CWC27: variants seen among roughly 807,000 people sequenced by gnomAD.
CWC27 encodes CWC27 spliceosome associated cyclophilin.
In CWC27, 47 loss-of-function variants were observed where a neutral mutation model predicts 63.6. That is an observed-to-expected ratio of 0.74 (90% confidence interval 0.58 to 0.94). The LOEUF (loss-of-function observed/expected upper bound fraction) is 0.94. Among genes scored for constraint, CWC27 ranks in the 40% least tolerant of loss-of-function variants. CWC27 has a pLI of 0.00. For synonymous variants in CWC27, 175 were observed against 179.8 expected (o/e 0.97, Z 0.22); for missense variants, 495 against 554.3 (o/e 0.89, Z 1.07).
At chr5:64,999,609 T>G (rs1749696244) in intron 13 of CWC27, among the ~76,000 whole-genome samples, 1 of 152,150 alleles carries the variant, frequency 6.6e-6, no homozygotes, top group African/African-American at 2.4e-5. Context: ...TCTGCCTGGC[T>G]TATTTCACTT....
chr5:64,864,772 C>T (rs1746495120), intron 10 of CWC27, among the ~76,000 whole-genome samples: 1 of 151,982 alleles, frequency 6.6e-6, no homozygotes, highest in Admixed American at 6.6e-5. Flanking sequence ...TTTTAAGTGA[C>T]AAATAATAAT....
intron 10 of CWC27, among the ~76,000 whole-genome samples, chr5:64,842,378 A>G (rs959545523): frequency 6.6e-6 from 1 of 152,036 alleles, no homozygotes; most frequent in East Asian, 1.9e-4. Flanking sequence ...GTCTCAGCTC[A>G]CTACAACCTC....
intron 11 of CWC27, among the ~76,000 whole-genome samples, chr5:64,954,484 A>G (rs572015926): frequency 1.3e-5 from 2 of 151,804 alleles, no homozygotes; most frequent in Non-Finnish European, 2.9e-5. Context: ...GGATCTCGCT[A>G]TGTTGCCCAG....
At chr5:64,831,679 A>G (rs751878796) in intron 10 of CWC27, among the ~76,000 whole-genome samples, 20 of 151,948 alleles carry the variant, frequency 1.3e-4, no homozygotes, top group Non-Finnish European at 8.8e-5. Context: ...CAATTGACTC[A>G]TGTAACAAAC....
chr5:65,018,394 C>A lies in CWC27; in HGVS notation c.*73C>A. On this transcript the variant is annotated 3_prime_UTR_variant, in exon 14 of 14. Transcript: ENST00000381070. ...GCCTTGTAACAGCCATTGTTCCCAA[C>A]AGCATCACTTAGGGGTGTGAAAAGA... The A allele has an allele frequency of 7.6e-7, 1 of 1,313,278 alleles. No individual in the cohort carries two copies. Among genetic ancestry groups the A allele is most frequent in the Non-Finnish European group, 1.0e-6 (1 of 953,656 alleles). 81.4% of individuals were successfully genotyped at this position (1,313,278 alleles called of 1,614,324 possible). A position where few individuals can be genotyped will look rare whatever the true frequency, so the allele number is the denominator to read the frequency against.
At chr5:64,950,839 A>C (rs776192241) in intron 11 of CWC27, among the ~76,000 whole-genome samples, 23 of 151,858 alleles carry the variant, frequency 1.5e-4, no homozygotes, top group Admixed American at 2.0e-4. Flanking sequence ...GCTTTCTCAC[A>C]CTATAGTTTT....
chr5:64,806,628 T>G (rs1352564020), intron 10 of CWC27, among the ~76,000 whole-genome samples: 1 of 152,092 alleles, frequency 6.6e-6, no homozygotes, highest in Non-Finnish European at 1.5e-5. Context: ...TTTCCTCTAG[T>G]GTAGAAATTT....
chr5:64,786,233 G>A (rs1044820521), intron 5 of CWC27, among the ~76,000 whole-genome samples: 1 of 150,186 alleles, frequency 6.7e-6, no homozygotes. Context: ...TGGAATCAAA[G>A]CATCTGAGTT....
Position 64,776,953 on chromosome 5 carries a change from A to C in CWC27, c.139+2166A>C, listed in dbSNP as rs1743479437. Among the ~76,000 whole-genome samples the C allele has an allele frequency of 2.6e-5, 4 of 152,116 alleles. No individual in the cohort carries two copies. The South Asian group carries it at 8.3e-4, about 31-fold the overall frequency. ...TTAATCTTAGATTTTTGGTCTTTGC[A>C]GCATAGTTAGGTGGACATTTAAAAT... On this transcript the variant is annotated intron_variant, in intron 2 of 13. Transcript: ENST00000381070.
intron 11 of CWC27, among the ~76,000 whole-genome samples, chr5:64,940,245 A>G (rs563324862): frequency 6.6e-6 from 1 of 152,244 alleles, no homozygotes; most frequent in East Asian, 1.9e-4. Context: ...CTGGTGGTGT[A>G]GGCTCCAGAG....
chr5:64,786,558 G>C lies in CWC27; in HGVS notation c.530G>C (p.Arg177Thr), dbSNP rs1471772868. The change falls in exon 6 of 14, where the codon AGG becomes ACG. Residue 177 changes from arginine to threonine, a missense_variant. Coordinates refer to ENST00000381070, the MANE Select transcript of CWC27 (RefSeq NM_005869.4). ...LFNPFDDIIP[R>T]EIKRLKKEKP... ...AATCCTTTTGATGACATCATTCCAA[G>C]GGAAATTAAAAGGCTGAAAAAAGAG... is the stretch of plus-strand genomic sequence containing the variant. The C allele has an allele frequency of 1.3e-6, 2 of 1,588,252 alleles. No individual in the cohort carries two copies. The highest frequency in any genetic ancestry group is 1.8e-5 in the Admixed American group (1 of 54,854).
At chr5:65,011,162 T>A (rs1749946953) in intron 13 of CWC27, among the ~76,000 whole-genome samples, 1 of 152,116 alleles carries the variant, frequency 6.6e-6, no homozygotes, top group African/African-American at 2.4e-5. Flanking sequence ...AGTTCAGGGC[T>A]ATAGTGTGCT....
At chr5:64,844,833 A>G (rs1745933664) in intron 10 of CWC27, 1 of 451,584 alleles carries the variant, frequency 2.2e-6, no homozygotes, top group African/African-American at 2.0e-5. Context: ...CTCTGCCACA[A>G]AGCAATCCCA....
chr5:64,846,629 A>C (rs1745986714), intron 10 of CWC27, among the ~76,000 whole-genome samples: 1 of 152,220 alleles, frequency 6.6e-6, no homozygotes, highest in Non-Finnish European at 1.5e-5. Context: ...AAAACCATCA[A>C]ATCACAAAGG....
At position 64,804,145 on chromosome 5, in the gene CWC27, A is replaced by C. The variant is rs530001707; in HGVS notation, c.781-84A>C. On this transcript the variant is annotated intron_variant, in intron 9 of 13. Coordinates refer to ENST00000381070, the MANE Select transcript of CWC27 (RefSeq NM_005869.4). ...AAAAAACCTAGTTTAGAATGCAATA[A>C]GGAGATTCAGTGGATGCAATAGATC... The C allele has an allele frequency of 1.6e-4, 194 of 1,234,712 alleles. 1 individual carries two copies. In the East Asian group the frequency reaches 4.4e-3, roughly 28 times the overall value. The allele number at this position is 1,234,712 out of a possible 1,614,324, so 76.5% of individuals were successfully genotyped here. A position where few individuals can be genotyped will look rare whatever the true frequency, so the allele number is the denominator to read the frequency against.
At chr5:64,788,895 T>C in intron 6 of CWC27, 56 bp from the exon 7 acceptor site, 1 of 1,194,120 alleles carries the variant, frequency 8.4e-7, no homozygotes, top group Non-Finnish European at 1.2e-6. Context: ...AAGGTATTTA[T>C]AAGTTTGATT....
chr5:64,846,993 C>CAAAAAAAAAA (rs35090437), intron 10 of CWC27, among the ~76,000 whole-genome samples: 2 of 86,200 alleles, frequency 2.3e-5, no homozygotes, highest in African/African-American at 9.4e-5. Context: ...GACTCCATCT[C>CAAAAAAAAAA]AAAAAAAAAA....
In CWC27 at chr5:65,014,246, TTA is replaced by T. The variant is rs1286704052; in HGVS notation, c.1257-3907_1257-3906del. 2.0e-5 allele frequency among the ~76,000 whole-genome samples: 3 copies of T among 147,946 alleles called. No homozygotes were observed. In the South Asian group the frequency reaches 6.3e-4, roughly 31 times the overall value. On this transcript the variant is annotated intron_variant, in intron 13 of 13. Transcript: ENST00000381070. ...ACTACAATATATAATAGATTACATA[TTA>T]TATATGATATATATAATATATACCA...
Position 64,772,673 on chromosome 5 carries a change from C to T in CWC27, c.43-2018C>T, listed in dbSNP as rs200409042. Among the ~76,000 whole-genome samples the T allele has an allele frequency of 2.8e-5, 4 of 141,822 alleles. No homozygotes were observed. In the East Asian group the frequency reaches 8.3e-4, roughly 29 times the overall value. 93.0% of individuals were successfully genotyped at this position (141,822 alleles called of 152,430 possible). A position where few individuals can be genotyped will look rare whatever the true frequency, so the allele number is the denominator to read the frequency against. The stretch of plus-strand genomic sequence containing the variant: ...AAAAAAAAGTCCAGGCGCAGTGGCT[C>T]ATGCCTGTAATCCCAGCACTTTGGG... On this transcript the variant is annotated intron_variant, in intron 1 of 13. Coordinates refer to ENST00000381070, the MANE Select transcript of CWC27 (RefSeq NM_005869.4).
Sources: allele counts gnomAD v4.1 joint callset (sites outside exome capture counted in the v4.1 genomes callset), GRCh38; gene constraint gnomAD v4.1.1; transcripts MANE v1.5; gene names NCBI Gene and HGNC (gene_info 2026-07-23, HGNC 2026-07-21).